The following CCND2 variants were observed in gnomAD, a reference collection of about 807,000 sequenced individuals.
CCND2 encodes the protein cyclin D2.
A neutral mutation model predicts 30.2 loss-of-function variants in CCND2; 6 were observed. That is an observed-to-expected ratio of 0.20 (90% CI 0.11 to 0.39). The LOEUF (loss-of-function observed/expected upper bound fraction) is 0.39. CCND2 is among the 10% of genes least tolerant of loss of function. CCND2 has a pLI of 1.00. For synonymous variants in CCND2, 150 were observed against 153.1 expected (o/e 0.98, Z 0.15); for missense variants, 235 against 373.4 (o/e 0.63, Z 3.06).
At chr12:4,288,382 G>A (rs1864052212) in intron 3 of CCND2, among the ~76,000 whole-genome samples, 1 of 151,800 alleles carries the variant, frequency 6.6e-6, no homozygotes, top group Non-Finnish European at 1.5e-5. Context: ...CTCACATCTG[G>A]AGCCCCTGGT....
In CCND2 at chr12:4,285,174, G is replaced by A. The variant is rs556464490; in HGVS notation, c.572-3668G>A. The A allele has an allele frequency of 3.9e-5, 15 of 381,200 alleles. No homozygotes were observed. The highest frequency in any genetic ancestry group is 5.4e-5 in the Non-Finnish European group (15 of 278,214). The allele number at this position is 381,200 out of a possible 1,614,324, so 23.6% of individuals were successfully genotyped here. A position where few individuals can be genotyped will look rare whatever the true frequency, so the allele number is the denominator to read the frequency against. ...AAGAAGTCTGAATATTGTACGTTTT[G>A]GGGGGAGTCCTCCATGCTGCCTGGA... On this transcript the variant is annotated intron_variant, in intron 3 of 4. Coordinates refer to ENST00000261254, the MANE Select transcript of CCND2 (RefSeq NM_001759.4). This position sits in a 1 kb window ranked among gnomAD's most constrained non-coding sequence, Gnocchi z 4.1.
intron 4 of CCND2, among the ~76,000 whole-genome samples, chr12:4,291,669 C>T (rs1185046841): frequency 1.3e-5 from 2 of 152,144 alleles, no homozygotes; most frequent in African/African-American, 2.4e-5. Flanking sequence ...TCAGGCCTAA[C>T]GTAGAATGCC....
At chr12:4,297,534 G>A (rs1864187645) in intron 4 of CCND2, among the ~76,000 whole-genome samples, 1 of 129,042 alleles carries the variant, frequency 7.7e-6, no homozygotes, top group Non-Finnish European at 1.5e-5. Context: ...TTGTGCCATT[G>A]CACTCCAGCC....
Position 4,278,835 on chromosome 12 carries a change from A to G in CCND2, c.487A>G (p.Ile163Val), listed in dbSNP as rs2120531791. 6.2e-7 allele frequency: 1 copy of G among 1,614,226 alleles called. No homozygotes were observed. The highest frequency in any genetic ancestry group is 1.1e-5 in the South Asian group (1 of 91,086). The change falls in exon 3 of 5, where the codon ATC becomes GTC. Residue 163 changes from isoleucine to valine, a missense_variant. By Grantham distance (29) the Ile-to-Val change is conservative (BLOSUM62 3). Around this residue, in one of 2 missense-constraint regions of CCND2, gnomAD observed 178 missense variants for 322.8 expected, o/e 0.55. Coordinates refer to ENST00000261254, the MANE Select transcript of CCND2 (RefSeq NM_001759.4). ...AVTPHDFIEHILRKLPQQREK... is the reference protein window; with the variant it reads ...AVTPHDFIEHVLRKLPQQREK... Reference sequence around the variant, plus strand: ...CACTCCTCATGACTTCATTGAGCACATCTTGCGCAAGCTGCCCCAGCAGCG... The same window carrying G: ...CACTCCTCATGACTTCATTGAGCACGTCTTGCGCAAGCTGCCCCAGCAGCG...
At chr12:4,280,229 G>A (rs1863930354) in intron 3 of CCND2, among the ~76,000 whole-genome samples, 1 of 152,280 alleles carries the variant, frequency 6.6e-6, no homozygotes, top group Admixed American at 6.5e-5. Flanking sequence ...TTGTGAAAAT[G>A]CTACCATCTC....
rs11392498 is a variant in CCND2, at chr12:4,299,058, A to AT, written c.721-791dup. 0.14 allele frequency among the ~76,000 whole-genome samples: 21,594 copies of AT among 149,406 alleles called. 1,631 individuals carry two copies. Among genetic ancestry groups the AT allele is most frequent in the African/African-American group, 0.21 (8,590 of 40,904 alleles). ...GGTAAAGAAGCAGAAAAAGTTGGGG[A>AT]TTTTTTTTTTTAAGTATTTACAGTG... On this transcript the variant is annotated intron_variant, in intron 4 of 4. Coordinates refer to ENST00000261254, the MANE Select transcript of CCND2 (RefSeq NM_001759.4). The surrounding 1 kb of genome is among the most constrained non-coding windows in gnomAD (Gnocchi z 5.2).
At chr12:4,277,188 CACCTTTG>C (rs1863886456) in intron 2 of CCND2, among the ~76,000 whole-genome samples, 1 of 152,202 alleles carries the variant, frequency 6.6e-6, no homozygotes, top group Non-Finnish European at 1.5e-5. Flanking sequence ...TGAATGACTT[CACCTTTG>C]AACCGCTGCC....
intron 4 of CCND2, among the ~76,000 whole-genome samples, chr12:4,291,634 A>T (rs187164884): frequency 6.6e-6 from 1 of 152,342 alleles, no homozygotes; most frequent in Non-Finnish European, 1.5e-5. Flanking sequence ...ATGCAGTAGG[A>T]AATCAACCCA....
intron 3 of CCND2, among the ~76,000 whole-genome samples, chr12:4,284,160 G>A (rs1367982260): frequency 2.6e-5 from 4 of 152,198 alleles, no homozygotes; most frequent in African/African-American, 9.7e-5. Context: ...AGCAGAGGAG[G>A]GGCAGGTTGG....
At chr12:4,277,488 A>G (rs902762593) in intron 2 of CCND2, among the ~76,000 whole-genome samples, 9 of 152,276 alleles carry the variant, frequency 5.9e-5, no homozygotes, top group Non-Finnish European at 1.2e-4. Context: ...ATGAGAGAGC[A>G]GGAAAAATCA....
At position 4,274,672 on chromosome 12, in the gene CCND2, C is replaced by T. The variant is rs974465924; in HGVS notation, c.195+437C>T. Among the ~76,000 whole-genome samples the T allele has an allele frequency of 6.6e-6, 1 of 152,232 alleles. No individual in the cohort carries two copies. The highest frequency in any genetic ancestry group is 2.4e-5 in the African/African-American group (1 of 41,468). On this transcript the variant is annotated intron_variant, in intron 1 of 4. Coordinates refer to ENST00000261254, the MANE Select transcript of CCND2 (RefSeq NM_001759.4). The surrounding 1 kb of genome is among the most constrained non-coding windows in gnomAD (Gnocchi z 7.7). Reference sequence around the variant, plus strand: ...CAAATTCGTCTTGGCCTCAGGTCCCCGCCTGTGGTCGCGACTCCGCGCTGG... The same window carrying T: ...CAAATTCGTCTTGGCCTCAGGTCCCTGCCTGTGGTCGCGACTCCGCGCTGG...
chr12:4,278,542 A>G, intron 2 of CCND2: 1 of 446,416 alleles, frequency 2.2e-6, no homozygotes, highest in Admixed American at 3.9e-5. Context: ...CTGGGCTCTC[A>G]TTATTTTCAG....
chr12:4,290,166 C>T (rs920820689), intron 4 of CCND2, among the ~76,000 whole-genome samples: 1 of 152,194 alleles, frequency 6.6e-6, no homozygotes, highest in African/African-American at 2.4e-5. Flanking sequence ...CTCAGAGAGC[C>T]CACGGCTGCA....
At chr12:4,280,911 T>C (rs1464954821) in intron 3 of CCND2, among the ~76,000 whole-genome samples, 1 of 152,184 alleles carries the variant, frequency 6.6e-6, no homozygotes, top group Admixed American at 6.5e-5. Flanking sequence ...CCAGATTCCG[T>C]CTAGACCCAT....
intron 3 of CCND2, among the ~76,000 whole-genome samples, chr12:4,279,943 A>G (rs908647195): frequency 1.3e-5 from 2 of 151,472 alleles, no homozygotes; most frequent in African/African-American, 4.8e-5. Flanking sequence ...GTTACATGTT[A>G]CTGGTGAGTT....
chr12:4,300,166 A>C lies in CCND2; in HGVS notation c.*157A>C, dbSNP rs949034289. ...AAGATCTTTTAGAAGTGAGAGAAAA[A>C]GGTCCTACGAAAACGGAATAATAAA... On this transcript the variant is annotated 3_prime_UTR_variant, in exon 5 of 5. Transcript: ENST00000261254. 2.8e-6 allele frequency: 2 copies of C among 706,096 alleles called. No individual in the cohort carries two copies. Among genetic ancestry groups the C allele is most frequent in the Non-Finnish European group, 4.5e-6 (2 of 449,430 alleles). The allele number at this position is 706,096 out of a possible 1,614,324, so 43.7% of individuals were successfully genotyped here. A position where few individuals can be genotyped will look rare whatever the true frequency, so the allele number is the denominator to read the frequency against.
intron 3 of CCND2, among the ~76,000 whole-genome samples, chr12:4,279,697 C>G (rs879646826): frequency 2.6e-5 from 4 of 151,324 alleles, no homozygotes; most frequent in African/African-American, 4.8e-5. Context: ...TATTAAACAG[C>G]CTTGGCCAGT....
intron 2 of CCND2, among the ~76,000 whole-genome samples, chr12:4,278,324 A>G (rs182821423): frequency 1.3e-5 from 2 of 152,326 alleles, no homozygotes; most frequent in East Asian, 3.9e-4. Context: ...TTTTTCCATG[A>G]AGATTAAAAA....
At chr12:4,279,784 G>GA (rs1167360145) in intron 3 of CCND2, among the ~76,000 whole-genome samples, 2 of 151,096 alleles carry the variant, frequency 1.3e-5, no homozygotes, top group Admixed American at 6.6e-5. Flanking sequence ...ATCCAAGGGA[G>GA]AGATGTCAGG....
Sources: allele counts gnomAD v4.1 joint callset (sites outside exome capture counted in the v4.1 genomes callset), GRCh38; gene constraint gnomAD v4.1.1; regional missense constraint gnomAD v4.1.1; non-coding constraint Gnocchi (gnomAD v3.1); transcripts MANE v1.5; gene names NCBI Gene and HGNC (gene_info 2026-07-23, HGNC 2026-07-21).